SCN11A: variants seen among roughly 807,000 people sequenced by gnomAD.
The protein encoded by SCN11A is sodium channel protein type 11 subunit alpha.
Under a neutral mutation model 162.2 loss-of-function variants are expected in SCN11A, and 122 were observed. That is an observed-to-expected ratio of 0.75 (90% CI 0.65 to 0.87). The LOEUF is 0.87. Ranked by LOEUF, SCN11A falls within the 40% of genes least tolerant of loss-of-function variation. The pLI, the probability that SCN11A is intolerant of heterozygous loss-of-function variation, is 0.00. For synonymous variants in SCN11A, 758 were observed against 751.5 expected, an observed-to-expected ratio of 1.01 and a Z score of -0.14; for missense variants, 2,015 against 2,181.6, an observed-to-expected ratio of 0.92 and a Z score of 1.52.
intron 2 of SCN11A, among the ~76,000 whole-genome samples, chr3:38,984,148 C>T (rs2030152388): frequency 6.6e-6 from 1 of 152,208 alleles, no homozygotes; most frequent in African/African-American, 2.4e-5. Flanking sequence ...TGCTCCATGA[C>T]CATCAGGTCC....
intron 2 of SCN11A, among the ~76,000 whole-genome samples, chr3:39,028,778 T>C (rs1354071510): frequency 1.3e-5 from 2 of 152,176 alleles, no homozygotes; most frequent in African/African-American, 4.8e-5. Flanking sequence ...GCTCTCATGG[T>C]AACTAATCCA....
chr3:38,945,617 T>C, intron 6 of SCN11A, 105 bp from the exon 7 acceptor site: 1 of 630,762 alleles, frequency 1.6e-6, no homozygotes, highest in Non-Finnish European at 2.6e-6. Context: ...TGCAGGTGCA[T>C]CTATCTTCTG....
At chr3:39,049,157 G>C (rs1223992290) in intron 1 of SCN11A, among the ~76,000 whole-genome samples, 2 of 152,224 alleles carry the variant, frequency 1.3e-5, no homozygotes, top group Non-Finnish European at 2.9e-5. Flanking sequence ...CTGAATATTG[G>C]ACAGTAGTTC....
At chr3:38,969,316 C>A (rs1185480339) in intron 2 of SCN11A, among the ~76,000 whole-genome samples, 2 of 152,216 alleles carry the variant, frequency 1.3e-5, no homozygotes, top group Non-Finnish European at 2.9e-5. Flanking sequence ...ACCCTGGCTT[C>A]ATTCTTCTTG....
At chr3:38,981,537 TTGTGTG>T (rs10578149) in intron 2 of SCN11A, among the ~76,000 whole-genome samples, 55 of 145,972 alleles carry the variant, frequency 3.8e-4, no homozygotes, top group African/African-American at 1.1e-3. Flanking sequence ...GTGTGTGTGT[TTGTGTG>T]TGTGTGTGTG....
intron 2 of SCN11A, among the ~76,000 whole-genome samples, chr3:39,031,995 C>CA (rs202179638): frequency 1.1e-4 from 16 of 150,236 alleles, no homozygotes; most frequent in African/African-American, 2.4e-4. Flanking sequence ...TAAAAACAAA[C>CA]AAAAAAAAAC....
intron 2 of SCN11A, among the ~76,000 whole-genome samples, chr3:38,969,085 G>A (rs2125586333): frequency 6.6e-6 from 1 of 152,296 alleles, no homozygotes; most frequent in East Asian, 1.9e-4. Flanking sequence ...TTGTGCAGGA[G>A]GGTGCAGGGA....
At chr3:38,863,145 C>T in intron 28 of SCN11A, 50 bp downstream of exon 28, 1 of 1,084,816 alleles carries the variant, frequency 9.2e-7, no homozygotes, top group Non-Finnish European at 1.4e-6. Flanking sequence ...TTGAGTTCCT[C>T]ACAGTAACTC....
At chr3:38,922,882 A>T (rs547369675) in intron 9 of SCN11A, among the ~76,000 whole-genome samples, 2 of 152,210 alleles carry the variant, frequency 1.3e-5, no homozygotes, top group South Asian at 4.1e-4. Flanking sequence ...AATAGTTCCC[A>T]TGTCTTTTTA....
rs755780878 is a variant in SCN11A, at chr3:38,900,076, A to G, written c.1843-3T>C. The G allele has an allele frequency of 3.1e-6, 5 of 1,612,970 alleles. No homozygotes were observed. In the South Asian group the frequency reaches 4.4e-5, roughly 14 times the overall value. ...GCTATAAAAATGCTAGTGAAAACCT[A>G]GAGTGGGACAAAGAAGAATGAGAGA... On this transcript the variant is annotated splice_region_variant and splice_polypyrimidine_tract_variant and intron_variant, in intron 16 of 29. Transcript: ENST00000302328.
chr3:38,904,138 C>A, intron 15 of SCN11A, 35 bp from the exon 16 acceptor site: 1 of 1,412,290 alleles, frequency 7.1e-7, no homozygotes, highest in East Asian at 2.4e-5. Flanking sequence ...GAGGAGTTAG[C>A]TCTGAAGCAA....
At chr3:38,849,610 G>C (rs916302871) in intron 29 of SCN11A, 1 of 152,228 alleles carries the variant, frequency 6.6e-6, no homozygotes, top group East Asian at 1.9e-4. Flanking sequence ...AGGGCTCCTG[G>C]ACAGTTTTAC....
intron 2 of SCN11A, among the ~76,000 whole-genome samples, chr3:39,029,589 A>C (rs1031778664): frequency 1.3e-5 from 2 of 152,248 alleles, no homozygotes; most frequent in Non-Finnish European, 2.9e-5. Context: ...AACTCAGGGC[A>C]TTTAGAATGT....
chr3:38,886,062 C>T (rs922726709), intron 20 of SCN11A, 63 bp downstream of exon 20: 1 of 1,040,634 alleles, frequency 9.6e-7, no homozygotes, highest in Non-Finnish European at 1.5e-6. Flanking sequence ...TCCATAATAA[C>T]TATCCTGGAG....
At chr3:38,929,685 T>C (rs2066208431) in intron 7 of SCN11A, among the ~76,000 whole-genome samples, 1 of 152,180 alleles carries the variant, frequency 6.6e-6, no homozygotes, top group Non-Finnish European at 1.5e-5. Flanking sequence ...TTGGCATTAT[T>C]ATGGTATTAA....
intron 28 of SCN11A, among the ~76,000 whole-genome samples, chr3:38,853,642 C>T (rs921358095): frequency 8.5e-5 from 13 of 152,124 alleles, no homozygotes; most frequent in Admixed American, 6.5e-5. Flanking sequence ...TTATGCCAGG[C>T]CCTATTCTGG....
chr3:38,930,520 A>T (rs563488358), intron 7 of SCN11A, among the ~76,000 whole-genome samples: 33 of 152,320 alleles, frequency 2.2e-4, no homozygotes, highest in African/African-American at 7.9e-4. Flanking sequence ...AAAGTTATAG[A>T]TGCTTTGATA....
rs2064700068 is a variant in SCN11A, at chr3:38,847,740, T to C, written c.4330A>G (p.Thr1444Ala). The C allele has an allele frequency of 6.3e-6, 10 of 1,576,274 alleles. No homozygotes were observed. The highest frequency in any genetic ancestry group is 8.7e-6 in the Non-Finnish European group (10 of 1,152,868). ...TGATTTTCCAAGGTAGAAATCATTG[T>C]ACCTCAGGAGAAGGAGAAAAGTAAA... Reference protein sequence around the residue: ...CVVVLLSIVSTMISTLENQEH... With the variant: ...CVVVLLSIVSAMISTLENQEH... Residue 1444 changes from threonine to alanine, a missense_variant and splice_region_variant, in exon 30 of 30, where the codon ACA becomes GCA. Transcript: ENST00000302328.
chr3:38,925,030 C>A (rs556951066), intron 9 of SCN11A, among the ~76,000 whole-genome samples: 221 of 152,178 alleles, frequency 1.5e-3, no homozygotes, highest in African/African-American at 5.1e-3. Context: ...AAAACTGCAA[C>A]CTCCTTCCCC....
Sources: gnomAD v4.1 joint callset for allele counts (sites outside exome capture counted in the v4.1 genomes callset) on GRCh38, gnomAD v4.1.1 for gene constraint, MANE v1.5 for transcripts, NCBI Gene and HGNC (gene_info 2026-07-23, HGNC 2026-07-21) for gene names.